The following MARCHF1 variants were observed in gnomAD, a reference collection of about 807,000 sequenced individuals.
MARCHF1 encodes membrane associated ring-CH-type finger 1.
Under a neutral mutation model 54.2 loss-of-function variants are expected in MARCHF1, and 40 were observed. The observed-to-expected ratio is 0.74, with a 90% confidence interval of 0.57 to 0.96. The LOEUF is 0.96. Among genes scored for constraint, MARCHF1 ranks in the 40% least tolerant of loss-of-function variants. The pLI is 0.00. For synonymous variants in MARCHF1, 236 were observed against 236.3 expected (o/e 1.00, Z 0.01); for missense variants, 586 against 656.5 (o/e 0.89, Z 1.17).
chr4:163,836,408 G>C (rs1410738202), intron 4 of MARCHF1, among the ~76,000 whole-genome samples: 2 of 148,050 alleles, frequency 1.4e-5, no homozygotes, highest in African/African-American at 5.0e-5. Flanking sequence ...ACCACGCCCG[G>C]CTAATTTTTT....
intron 2 of MARCHF1, among the ~76,000 whole-genome samples, chr4:164,087,544 G>A (rs887170153): frequency 2.0e-5 from 3 of 152,042 alleles, no homozygotes; most frequent in African/African-American, 2.4e-5. Flanking sequence ...AGTAGCCATC[G>A]GTTAGGTTTT....
chr4:163,676,863 C>T (rs550137502), intron 5 of MARCHF1, among the ~76,000 whole-genome samples: 1 of 151,808 alleles, frequency 6.6e-6, no homozygotes, highest in South Asian at 2.1e-4. Flanking sequence ...TTAAATAAAA[C>T]AGATATAGAC....
At chr4:164,259,484 C>T (rs1402656147) in intron 1 of MARCHF1, among the ~76,000 whole-genome samples, 4 of 25,762 alleles carry the variant, frequency 1.6e-4, no homozygotes, top group Non-Finnish European at 2.2e-4. Context: ...GCAGAGGTTG[C>T]GGTGAGCTGA....
chr4:163,727,885 C>T (rs1208905293), intron 4 of MARCHF1, among the ~76,000 whole-genome samples: 1 of 151,778 alleles, frequency 6.6e-6, no homozygotes, highest in Non-Finnish European at 1.5e-5. Context: ...TAAGGTTTCA[C>T]CATGTTATCC....
intron 4 of MARCHF1, among the ~76,000 whole-genome samples, chr4:163,770,666 T>C (rs1206913190): frequency 1.3e-5 from 2 of 152,076 alleles, no homozygotes; most frequent in Non-Finnish European, 2.9e-5. Context: ...CTGTCTTACT[T>C]GTGGAGAATA....
chr4:164,067,026 A>T (rs548477004), intron 2 of MARCHF1, among the ~76,000 whole-genome samples: 3 of 93,262 alleles, frequency 3.2e-5, no homozygotes, highest in Non-Finnish European at 5.0e-5. Context: ...TAAAAAAAAA[A>T]GTCTGACGAA....
At chr4:163,783,292 T>C (rs1412503634) in intron 4 of MARCHF1, among the ~76,000 whole-genome samples, 1 of 152,178 alleles carries the variant, frequency 6.6e-6, no homozygotes, top group African/African-American at 2.4e-5. Context: ...TTTCTGACTA[T>C]CAAGAGTTTA....
At chr4:163,776,005 A>G (rs74680516) in intron 4 of MARCHF1, among the ~76,000 whole-genome samples, 6 of 152,176 alleles carry the variant, frequency 3.9e-5, no homozygotes, top group Admixed American at 2.6e-4. Context: ...GCTTTAGGCT[A>G]TATTTCTGAC....
chr4:164,269,056 T>C (rs1426078850), intron 1 of MARCHF1, among the ~76,000 whole-genome samples: 2 of 152,170 alleles, frequency 1.3e-5, no homozygotes, highest in Non-Finnish European at 2.9e-5. Flanking sequence ...ATTTTCTTTC[T>C]TTGCACTATT....
intron 1 of MARCHF1, among the ~76,000 whole-genome samples, chr4:164,306,278 C>G (rs548254267): frequency 4.9e-4 from 74 of 152,200 alleles, no homozygotes; most frequent in African/African-American, 1.7e-3. Flanking sequence ...ATATCAATAG[C>G]ATTTTTCTTG....
intron 7 of MARCHF1, among the ~76,000 whole-genome samples, chr4:163,589,102 T>C (rs1740503476): frequency 6.7e-6 from 1 of 149,124 alleles, no homozygotes; most frequent in Non-Finnish European, 1.5e-5. Context: ...GGTAATGCTA[T>C]CAGATAAATT....
intron 3 of MARCHF1, among the ~76,000 whole-genome samples, chr4:163,955,351 AAAAAAAC>A (rs1752211227): frequency 6.6e-6 from 1 of 151,586 alleles, no homozygotes; most frequent in Admixed American, 6.6e-5. Context: ...TTGAGGGAAA[AAAAAAAC>A]AAAAACAAAG....
intron 2 of MARCHF1, among the ~76,000 whole-genome samples, chr4:164,081,542 G>A (rs1191491647): frequency 6.6e-6 from 1 of 152,118 alleles, no homozygotes; most frequent in Non-Finnish European, 1.5e-5. Flanking sequence ...GAACTCCTGG[G>A]GAGAGAGGAA....
At chr4:163,969,621 G>A (rs1752510443) in intron 3 of MARCHF1, among the ~76,000 whole-genome samples, 1 of 152,134 alleles carries the variant, frequency 6.6e-6, no homozygotes, top group African/African-American at 2.4e-5. Flanking sequence ...AGCATATGTT[G>A]TAGTCCATCT....
chr4:163,824,013 G>A (rs1312559371), intron 4 of MARCHF1, among the ~76,000 whole-genome samples: 1 of 151,756 alleles, frequency 6.6e-6, no homozygotes, highest in East Asian at 1.9e-4. Flanking sequence ...AAAGATGGGG[G>A]TGTAATATCA....
chr4:163,820,222 T>C lies in MARCHF1; in HGVS notation c.111+33799A>G, dbSNP rs181011788. On this transcript the variant is annotated intron_variant, in intron 4 of 9. Coordinates refer to ENST00000514618, the MANE Select transcript of MARCHF1 (RefSeq NM_001394959.1). ...ATCACCGAATCCAATACATATTTTT[T>C]ACTCTTCTTACCTGACCTCTCATCA... is the stretch of plus-strand genomic sequence containing the variant. Among the ~76,000 whole-genome samples the C allele has an allele frequency of 1.6e-3, 239 of 152,204 alleles. 1 individual carries two copies. The highest frequency in any genetic ancestry group is 5.4e-3 in the African/African-American group (226 of 41,554).
At chr4:163,647,814 A>G (rs548628002) in intron 5 of MARCHF1, among the ~76,000 whole-genome samples, 2 of 151,870 alleles carry the variant, frequency 1.3e-5, no homozygotes, top group Admixed American at 6.6e-5. Flanking sequence ...AAAAATCTCA[A>G]ATAAATAACC....
chr4:163,853,849 T>C (rs1749700410), intron 4 of MARCHF1, among the ~76,000 whole-genome samples, 172 bp downstream of exon 4: 1 of 152,214 alleles, frequency 6.6e-6, no homozygotes, highest in African/African-American at 2.4e-5. Flanking sequence ...GTCACTAAGG[T>C]ATTTTTATTA....
At chr4:163,796,165 T>C (rs59614155) in intron 4 of MARCHF1, among the ~76,000 whole-genome samples, 12,850 of 151,520 alleles carry the variant, frequency 0.085, 584 homozygotes, top group South Asian at 0.11. Context: ...CAAGGGTCAA[T>C]TGCATATAAA....
Sources: gnomAD v4.1 joint callset for allele counts (sites outside exome capture counted in the v4.1 genomes callset) on GRCh38, gnomAD v4.1.1 for gene constraint, MANE v1.5 for transcripts, NCBI Gene and HGNC (gene_info 2026-07-23, HGNC 2026-07-21) for gene names.